CENPC: variants seen among roughly 807,000 people sequenced by gnomAD.
CENPC encodes the protein CENP-C 1.
Under a neutral mutation model 112.1 loss-of-function variants are expected in CENPC, and 63 were observed. That is an observed-to-expected ratio of 0.56 (90% CI 0.46 to 0.69). The LOEUF (loss-of-function observed/expected upper bound fraction) is 0.69. Among genes scored for constraint, CENPC ranks in the 30% least tolerant of loss-of-function variants. The pLI, the probability that CENPC is intolerant of heterozygous loss-of-function variation, is 0.00. For synonymous variants in CENPC, 333 were observed against 367.6 expected (o/e 0.91, Z 1.08); for missense variants, 1,000 against 1,103.8 (o/e 0.91, Z 1.33).
At chr4:67,536,905 C>T (rs1158890687) in intron 4 of CENPC, among the ~76,000 whole-genome samples, 2 of 151,362 alleles carry the variant, frequency 1.3e-5, no homozygotes, top group Non-Finnish European at 2.9e-5. Flanking sequence ...CAAGGCATAG[C>T]AGGCACAGTG....
chr4:67,480,745 T>TAGAAGG (rs1724934204), intron 17 of CENPC, among the ~76,000 whole-genome samples: 1 of 152,192 alleles, frequency 6.6e-6, no homozygotes, highest in African/African-American at 2.4e-5. Flanking sequence ...AAATCCGGCA[T>TAGAAGG]TGCTTTATGA....
chr4:67,509,055 T>A lies in CENPC; in HGVS notation c.1663A>T (p.Asn555Tyr), dbSNP rs1179575350. Residue 555 changes from asparagine to tyrosine, a missense_variant, in exon 10 of 19, where the codon AAT becomes TAT. Coordinates refer to ENST00000273853, the MANE Select transcript of CENPC (RefSeq NM_001812.4). ...SVRNELPMHH[N>Y]SSRKSTKKTN... ...TTCTTAGTAGATTTTCGGCTACTAT[T>A]GTGATGCATTGGTAATTCATTTCTT... The A allele has an allele frequency of 1.2e-6, 2 of 1,611,442 alleles. No homozygotes were observed. The highest frequency in any genetic ancestry group is 1.1e-5 in the South Asian group (1 of 91,054).
chr4:67,495,483 C>T (rs1016531443), intron 12 of CENPC, among the ~76,000 whole-genome samples: 3 of 152,144 alleles, frequency 2.0e-5, no homozygotes, highest in African/African-American at 7.2e-5. Context: ...AGACCTTTAG[C>T]AGCCTGAAAC....
intron 17 of CENPC, among the ~76,000 whole-genome samples, chr4:67,478,174 A>G (rs1382245957): frequency 1.3e-5 from 2 of 152,208 alleles, no homozygotes; most frequent in Admixed American, 6.5e-5. Flanking sequence ...CAATCTAGAC[A>G]TCCAAATACA....
At chr4:67,529,584 C>G (rs1726486124) in intron 5 of CENPC, among the ~76,000 whole-genome samples, 1 of 152,082 alleles carries the variant, frequency 6.6e-6, no homozygotes, top group African/African-American at 2.4e-5. Flanking sequence ...CCTCAGCCTC[C>G]CAAAGTGCTG....
At chr4:67,503,495 T>C (rs1384685909) in intron 12 of CENPC, among the ~76,000 whole-genome samples, 1 of 152,172 alleles carries the variant, frequency 6.6e-6, no homozygotes, top group African/African-American at 2.4e-5. Flanking sequence ...GTTATCTTTT[T>C]ATATTGTCTG....
At chr4:67,544,007 G>A (rs548526813) in intron 2 of CENPC, 142 bp downstream of exon 2, 349 of 587,050 alleles carry the variant, frequency 5.9e-4, no homozygotes, top group South Asian at 1.1e-3. Context: ...TAACATTCCC[G>A]TTAGTATAAG....
intron 12 of CENPC, among the ~76,000 whole-genome samples, chr4:67,500,504 A>G (rs1000926624): frequency 1.3e-5 from 2 of 152,228 alleles, no homozygotes; most frequent in Admixed American, 6.5e-5. Flanking sequence ...TTCCTGGAGC[A>G]GTAATTGATC....
At chr4:67,541,156 T>C (rs566520905) in intron 2 of CENPC, 106 bp from the exon 3 acceptor site, 11 of 715,502 alleles carry the variant, frequency 1.5e-5, no homozygotes, top group African/African-American at 9.1e-5. Context: ...TTACTTAATA[T>C]GTAAAATATC....
intron 17 of CENPC, among the ~76,000 whole-genome samples, chr4:67,487,713 T>G (rs994139613): frequency 6.6e-6 from 1 of 151,748 alleles, no homozygotes; most frequent in Non-Finnish European, 1.5e-5. Flanking sequence ...TCTACATTAT[T>G]TAACTTTAAT....
chr4:67,535,523 T>C (rs1244897565), intron 4 of CENPC, among the ~76,000 whole-genome samples: 2 of 151,838 alleles, frequency 1.3e-5, no homozygotes, highest in Non-Finnish European at 2.9e-5. Flanking sequence ...ACTTAGACGT[T>C]TGTCATAGAA....
At chr4:67,543,873 T>C (rs1016448925) in intron 2 of CENPC, among the ~76,000 whole-genome samples, 1 of 152,222 alleles carries the variant, frequency 6.6e-6, no homozygotes, top group African/African-American at 2.4e-5. Context: ...ATTTGATTCA[T>C]TCTACAAAAT....
At chr4:67,512,038 T>C (rs1189446912) in intron 9 of CENPC, 1 of 167,706 alleles carries the variant, frequency 6.0e-6, no homozygotes, top group East Asian at 1.8e-4. Context: ...AACTATAATC[T>C]TTTAGATTAT....
chr4:67,526,549 G>A (rs1383107318), intron 5 of CENPC, among the ~76,000 whole-genome samples: 1 of 151,604 alleles, frequency 6.6e-6, no homozygotes, highest in African/African-American at 2.4e-5. Context: ...AAATCTCCTG[G>A]ACCAGATGAT....
chr4:67,538,169 C>A (rs1726782408), intron 4 of CENPC, among the ~76,000 whole-genome samples: 2 of 152,160 alleles, frequency 1.3e-5, no homozygotes, highest in South Asian at 4.1e-4. Flanking sequence ...CAGAGTAGAA[C>A]CTTTATTTTG....
At position 67,482,441 on chromosome 4, in the gene CENPC, CT is replaced by C. The variant is rs369558463; in HGVS notation, c.2671-7464del. The stretch of plus-strand genomic sequence containing the variant: ...AGTGAGTCATTATATGAAAAAGACA[CT>C]TGCACACGTACATTTATAGCAGCAT... On this transcript the variant is annotated intron_variant, in intron 17 of 18. Coordinates refer to ENST00000273853, the MANE Select transcript of CENPC (RefSeq NM_001812.4). Among the ~76,000 whole-genome samples, 823 of 152,340 alleles carry C rather than the reference CT, an allele frequency of 5.4e-3. 4 individuals carry two copies. The highest frequency in any genetic ancestry group is 0.018 in the African/African-American group (762 of 41,576).
chr4:67,493,645 G>T (rs1048644271), intron 14 of CENPC: 4 of 389,110 alleles, frequency 1.0e-5, no homozygotes, highest in African/African-American at 6.2e-5. Context: ...CTAATCTAAC[G>T]CTTTATATTA....
intron 12 of CENPC, among the ~76,000 whole-genome samples, chr4:67,498,877 G>T (rs1725512346): frequency 6.6e-6 from 1 of 152,180 alleles, no homozygotes; most frequent in African/African-American, 2.4e-5. Context: ...TTTCCAGAAG[G>T]TTTATTTACT....
chr4:67,536,899 G>C (rs965189878), intron 4 of CENPC, among the ~76,000 whole-genome samples: 2 of 151,122 alleles, frequency 1.3e-5, no homozygotes, highest in Non-Finnish European at 3.0e-5. Flanking sequence ...AAAAGACAAG[G>C]CATAGCAGGC....
Sources: gnomAD v4.1 joint callset for allele counts (sites outside exome capture counted in the v4.1 genomes callset) on GRCh38, gnomAD v4.1.1 for gene constraint, MANE v1.5 for transcripts, NCBI Gene and HGNC (gene_info 2026-07-23, HGNC 2026-07-21) for gene names.